ZNF680: variants seen among roughly 807,000 people sequenced by gnomAD.
The protein encoded by ZNF680 is hypothetical protein FLJ90430.
ZNF680 carries 6 observed loss-of-function variants against 12.1 expected under a neutral mutation model. That is an observed-to-expected ratio of 0.49 (90% confidence interval 0.27 to 0.98). The LOEUF is 0.98. ZNF680 is among the 50% of genes least tolerant of loss of function. ZNF680 has a pLI of 0.12. For missense variants in ZNF680, 561 were observed against 616.3 expected, an observed-to-expected ratio of 0.91 and a Z score of 0.95; for synonymous variants, 170 against 199.3, an observed-to-expected ratio of 0.85 and a Z score of 1.24.
chr7:64,546,119 T>C (rs1379941851), intron 1 of ZNF680, among the ~76,000 whole-genome samples: 1 of 152,054 alleles, frequency 6.6e-6, no homozygotes, highest in Non-Finnish European at 1.5e-5. Flanking sequence ...AAAGATTGAG[T>C]AGAGAAGTAA....
chr7:64,529,718 C>T (rs1234028518), intron 3 of ZNF680, among the ~76,000 whole-genome samples: 1 of 152,058 alleles, frequency 6.6e-6, no homozygotes, highest in Non-Finnish European at 1.5e-5. Flanking sequence ...GTTTGGAAAA[C>T]ACACTTGGGT....
chr7:64,506,069 T>TTA, the ZNF680 span, among the ~76,000 whole-genome samples: 5 of 151,952 alleles, frequency 3.3e-5, no homozygotes, highest in Admixed American at 6.6e-5. Context: ...CACACCACAG[T>TTA]TACAGTTTTT....
At chr7:64,505,717 T>C in the ZNF680 span, among the ~76,000 whole-genome samples, 1 of 152,200 alleles carries the variant, frequency 6.6e-6, no homozygotes, top group Non-Finnish European at 1.5e-5. Flanking sequence ...CCTCTGTTTA[T>C]CTTAGGCTAT....
intron 3 of ZNF680, among the ~76,000 whole-genome samples, chr7:64,539,838 G>T (rs771892402): frequency 1.3e-5 from 2 of 151,884 alleles, no homozygotes; most frequent in Non-Finnish European, 1.5e-5. Flanking sequence ...TTTGTAGACT[G>T]GGTCTTTATA....
chr7:64,525,998 C>G (rs1489166848), intron 3 of ZNF680: 1 of 984,818 alleles, frequency 1.0e-6, no homozygotes, highest in African/African-American at 1.7e-5. Flanking sequence ...TTAAATTTTA[C>G]AGAGTTAAAT....
In ZNF680 at chr7:64,522,483, T is replaced by G; in HGVS notation, c.271A>C (p.Thr91Pro). The G allele has an allele frequency of 6.6e-7, 1 of 1,516,096 alleles. No homozygotes were observed. Among genetic ancestry groups the G allele is most frequent in the Non-Finnish European group, 8.8e-7 (1 of 1,132,542 alleles). 93.9% of individuals were successfully genotyped at this position (1,516,096 alleles called of 1,614,324 possible). A position where few individuals can be genotyped will look rare whatever the true frequency, so the allele number is the denominator to read the frequency against. ...CTATGCTCTGGCCAAAGGTCTTCAGTGAAATGAGAATATATAACTGAAAGA... is the reference window on the plus strand; with the variant it reads ...CTATGCTCTGGCCAAAGGTCTTCAGGGAAATGAGAATATATAACTGAAAGA... Reference protein sequence around the residue: ...AKPPVIYSHFTEDLWPEHSIK... With the variant: ...AKPPVIYSHFPEDLWPEHSIK... Residue 91 changes from threonine to proline, a missense_variant, in exon 4 of 4, where the codon ACT becomes CCT. Thr to Pro is a conservative substitution (Grantham distance 38). Coordinates refer to ENST00000309683, the MANE Select transcript of ZNF680 (RefSeq NM_178558.5).
chr7:64,561,934 C>CAAAAAAAA (rs1187872173), intron 1 of ZNF680, among the ~76,000 whole-genome samples: 1 of 80,320 alleles, frequency 1.2e-5, no homozygotes, highest in Non-Finnish European at 2.7e-5. Flanking sequence ...GACTCCGTCT[C>CAAAAAAAA]AAAAAAAAAA....
At chr7:64,503,907 A>T in the ZNF680 span, among the ~76,000 whole-genome samples, 4 of 152,198 alleles carry the variant, frequency 2.6e-5, no homozygotes, top group Non-Finnish European at 4.4e-5. Flanking sequence ...AGCAATAAAA[A>T]CACACTAAAA....
At chr7:64,557,991 C>T (rs1278784907) in intron 1 of ZNF680, among the ~76,000 whole-genome samples, 1 of 152,200 alleles carries the variant, frequency 6.6e-6, no homozygotes, top group East Asian at 1.9e-4. Context: ...CGCACGTTTA[C>T]CCCCAACCCT....
At chr7:64,506,480 A>AC in the ZNF680 span, among the ~76,000 whole-genome samples, 1 of 151,970 alleles carries the variant, frequency 6.6e-6, no homozygotes, top group African/African-American at 2.4e-5. Context: ...GAGCCACCAC[A>AC]CCCAGCCTAG....
intron 1 of ZNF680, among the ~76,000 whole-genome samples, chr7:64,544,910 AATGCCAATGTTTTT>A (rs1354964514): frequency 1.3e-5 from 2 of 152,202 alleles, no homozygotes; most frequent in East Asian, 3.9e-4. Flanking sequence ...GCTCACCAGT[AATGCCAATGTTTTT>A]GGCCCAAGAA....
At chr7:64,555,990 T>C (rs1787393165) in intron 1 of ZNF680, among the ~76,000 whole-genome samples, 1 of 150,506 alleles carries the variant, frequency 6.6e-6, no homozygotes, top group Non-Finnish European at 1.5e-5. Context: ...ACATTCAACC[T>C]AAGGCCAAAT....
At chr7:64,513,056 C>T in the ZNF680 span, among the ~76,000 whole-genome samples, 1 of 152,058 alleles carries the variant, frequency 6.6e-6, no homozygotes, top group African/African-American at 2.4e-5. Flanking sequence ...GTTCTATTTG[C>T]CTGCTTCACA....
At chr7:64,523,707 A>T (rs1791670393) in intron 3 of ZNF680, among the ~76,000 whole-genome samples, 1 of 152,002 alleles carries the variant, frequency 6.6e-6, no homozygotes, top group Non-Finnish European at 1.5e-5. Flanking sequence ...AGGTCAGAAG[A>T]TTGAGACCAT....
At chr7:64,522,634 T>TAA in intron 3 of ZNF680, 134 bp from the exon 4 acceptor site, 69 of 524,394 alleles carry the variant, frequency 1.3e-4, no homozygotes, top group Non-Finnish European at 1.6e-4. Flanking sequence ...TCCTAAAAGT[T>TAA]AAAAAAAAAA....
chr7:64,544,546 G>A, intron 1 of ZNF680, 114 bp from the exon 2 acceptor site: 1 of 1,458,468 alleles, frequency 6.9e-7, no homozygotes. Flanking sequence ...ATAGAAAACT[G>A]ATTCTGACTT....
chr7:64,544,199 G>A, intron 2 of ZNF680, 107 bp downstream of exon 2: 1 of 1,443,194 alleles, frequency 6.9e-7, no homozygotes, highest in South Asian at 1.3e-5. Flanking sequence ...TGAAAACAGG[G>A]ATCTGAAACT....
Position 64,520,910 on chromosome 7 carries a change from T to C in ZNF680, c.*251A>G, listed in dbSNP as rs1334048621. On this transcript the variant is annotated 3_prime_UTR_variant, in exon 4 of 4. Coordinates refer to ENST00000309683, the MANE Select transcript of ZNF680 (RefSeq NM_178558.5). ...GTATAAACTCTGGTGTTGAGTAAGA[T>C]GTGAAAAGATATCAATGACTTTTTC... The C allele has an allele frequency of 2.6e-6, 1 of 384,924 alleles. No homozygotes were observed. Among genetic ancestry groups the C allele is most frequent in the Admixed American group, 4.3e-5 (1 of 23,408 alleles). The allele number at this position is 384,924 out of a possible 1,614,324, so 23.8% of individuals were successfully genotyped here.
chr7:64,515,351 A>G (rs911191567), downstream of ZNF680, among the ~76,000 whole-genome samples: 1 of 151,876 alleles, frequency 6.6e-6, no homozygotes, highest in Non-Finnish European at 1.5e-5. Flanking sequence ...CCCCTAAAAA[A>G]TCCTAGCTAC....
Sources: gnomAD v4.1 joint callset for allele counts (sites outside exome capture counted in the v4.1 genomes callset) on GRCh38, gnomAD v4.1.1 for gene constraint, MANE v1.5 for transcripts, NCBI Gene and HGNC (gene_info 2026-07-23, HGNC 2026-07-21) for gene names.